The following GPX7 variants were observed in gnomAD, a reference collection of about 807,000 sequenced individuals.
GPX7 encodes the protein glutathione peroxidase 7.
GPX7 carries 21 observed loss-of-function variants against 23.7 expected under a neutral mutation model. The observed-to-expected ratio is 0.89, with a 90% confidence interval of 0.63 to 1.28. The LOEUF (loss-of-function observed/expected upper bound fraction) is 1.28, where lower values mean the gene tolerates loss of function less well. Ranked by LOEUF, GPX7 falls within the 50% of genes most tolerant of loss-of-function variation. The probability of loss-of-function intolerance (pLI) is 0.00; values close to 1 mark genes in which losing one functional copy is unlikely to be tolerated. For missense variants in GPX7, 238 were observed against 237.3 expected, an observed-to-expected ratio of 1.00 and a Z score of -0.02; for synonymous variants, 112 against 101.8, an observed-to-expected ratio of 1.10 and a Z score of -0.61.
chr1:52,606,344 T>G (rs1172668359), intron 1 of GPX7, among the ~76,000 whole-genome samples: 1 of 152,166 alleles, frequency 6.6e-6, no homozygotes, highest in Non-Finnish European at 1.5e-5. Flanking sequence ...GCTGTGTGTG[T>G]GGGCATGTGT....
intron 1 of GPX7, 29 bp downstream of exon 1, chr1:52,602,576 T>C (rs367762292): frequency 6.7e-7 from 1 of 1,486,362 alleles, no homozygotes; most frequent in Non-Finnish European, 9.0e-7. Context: ...GCGGCGCCGC[T>C]GGGCCCGGCC....
chr1:52,607,891 C>G (rs1468311259), intron 2 of GPX7, among the ~76,000 whole-genome samples: 1 of 152,094 alleles, frequency 6.6e-6, no homozygotes, highest in African/African-American at 2.4e-5. Flanking sequence ...CCCCTGACCC[C>G]CAGTGATTCT....
chr1:52,606,632 G>T, intron 1 of GPX7, 52 bp from the exon 2 acceptor site: 1 of 1,587,960 alleles, frequency 6.3e-7, no homozygotes, highest in Non-Finnish European at 8.6e-7. Context: ...ACAGGTTCAT[G>T]CCTCTTCACT....
At chr1:52,607,388 C>A in intron 2 of GPX7, 1 of 172,850 alleles carries the variant, frequency 5.8e-6, no homozygotes, top group South Asian at 1.5e-4. Context: ...GTGGCGGAGT[C>A]TGTAGGCCAT....
At position 52,608,419 on chromosome 1, in the gene GPX7, CTT is replaced by C; in HGVS notation, c.559_560del (p.Leu187IlefsTer56). 2 of 1,608,010 alleles carry C rather than the reference CTT, an allele frequency of 1.2e-6. No individual in the cohort carries two copies. The highest frequency in any genetic ancestry group is 1.7e-4 in the Middle Eastern group (1 of 6,026). On this transcript the variant is annotated frameshift_variant, in exon 3 of 3. Transcript: ENST00000361314. LOFTEE classifies it high-confidence loss of function. ...AGCTCATCCTACTGAAGCGAGAAGACTTATAACCACCGCGTCTCCTCCTCCAC... is the reference window on the plus strand; with the variant it reads ...AGCTCATCCTACTGAAGCGAGAAGACATAACCACCGCGTCTCCTCCTCCAC... ...RKLILLKREDL is the reference protein window; with the variant it reads ...RKLILLKREDX
In GPX7 at chr1:52,606,716, C is replaced by A. The variant is rs183763373; in HGVS notation, c.171C>A (p.Cys57Ter). 23 of 1,613,908 alleles carry A rather than the reference C, an allele frequency of 1.4e-5. No homozygotes were observed. The East Asian group carries it at 5.1e-4, about 36-fold the overall frequency. Residue 57 changes from cysteine (C) to a stop codon, truncating the protein, a stop_gained, in exon 2 of 3, where the codon TGC (cysteine) becomes TGA (stop). Coordinates refer to ENST00000361314, the MANE Select transcript of GPX7 (RefSeq NM_015696.5). LOFTEE classifies it high-confidence loss of function. ...VSLVVNVASE[C>*]GFTDQHYRAL... is the part of the protein sequence containing the mutation. ...TGGTGGTGAATGTGGCCAGCGAGTGCGGCTTCACAGACCAGCACTACCGAG... is the reference window on the plus strand; with the variant it reads ...TGGTGGTGAATGTGGCCAGCGAGTGAGGCTTCACAGACCAGCACTACCGAG...
At chr1:52,606,591 G>A (rs1477487859) in intron 1 of GPX7, 93 bp from the exon 2 acceptor site, 2 of 1,380,682 alleles carry the variant, frequency 1.4e-6, no homozygotes, top group East Asian at 4.6e-5. Context: ...ACTGTTGAGG[G>A]AGTCACATAT....
intron 1 of GPX7, among the ~76,000 whole-genome samples, chr1:52,606,335 C>T (rs1690851418): frequency 6.6e-6 from 1 of 152,062 alleles, no homozygotes; most frequent in South Asian, 2.1e-4. Context: ...TGTGGATGTG[C>T]TGTGTGTGTG....
chr1:52,604,413 A>G (rs368858838), intron 1 of GPX7, among the ~76,000 whole-genome samples: 1 of 152,324 alleles, frequency 6.6e-6, no homozygotes, highest in South Asian at 2.1e-4. Context: ...TCCAGCTCTG[A>G]TGACATAGTC....
At chr1:52,605,695 A>T (rs1214885106) in intron 1 of GPX7, among the ~76,000 whole-genome samples, 1 of 152,228 alleles carries the variant, frequency 6.6e-6, no homozygotes, top group Non-Finnish European at 1.5e-5. Context: ...TAGGCTGGGC[A>T]TGGTGGTTCA....
chr1:52,604,986 A>G (rs1420585519), intron 1 of GPX7, among the ~76,000 whole-genome samples: 3 of 147,394 alleles, frequency 2.0e-5, no homozygotes, highest in East Asian at 2.1e-4. Flanking sequence ...TGGAGGTTGC[A>G]GTGAGCCAAG....
At position 52,608,514 on chromosome 1, in the gene GPX7, C is replaced by A; in HGVS notation, c.*89C>A. Reference sequence around the variant, plus strand: ...TCAAATGGTGCTTCAAAGGGAGAGACCCACTGACTCTCCTTCCTTTACTCT... The same window carrying A: ...TCAAATGGTGCTTCAAAGGGAGAGAACCACTGACTCTCCTTCCTTTACTCT... On this transcript the variant is annotated 3_prime_UTR_variant, in exon 3 of 3. Transcript: ENST00000361314. The A allele has an allele frequency of 4.5e-6, 5 of 1,120,258 alleles. No homozygotes were observed. The highest frequency in any genetic ancestry group is 2.6e-5 in the East Asian group (1 of 38,264). 69.4% of individuals were successfully genotyped at this position (1,120,258 alleles called of 1,614,324 possible).
Position 52,602,498 on chromosome 1 carries a change from C to T in GPX7, c.89C>T (p.Ala30Val). ...QQEQDFYDFK[A>V]VNIRGKLVSL... is the part of the protein sequence containing the mutation. ...GAGCAGGACTTCTACGACTTCAAGGCGGTCAACATCCGGGGCAAACTGGTG... is the reference window on the plus strand; with the variant it reads ...GAGCAGGACTTCTACGACTTCAAGGTGGTCAACATCCGGGGCAAACTGGTG... The change falls in exon 1 of 3, where the codon GCG (alanine) becomes GTG (valine). Residue 30 changes from alanine to valine, a missense_variant. Transcript: ENST00000361314. 1.9e-6 allele frequency: 3 copies of T among 1,563,938 alleles called. No homozygotes were observed. Among genetic ancestry groups the T allele is most frequent in the Non-Finnish European group, 8.6e-7 (1 of 1,159,362 alleles).
chr1:52,603,147 C>T (rs1345762458), intron 1 of GPX7, among the ~76,000 whole-genome samples: 4 of 152,084 alleles, frequency 2.6e-5, no homozygotes, highest in Non-Finnish European at 4.4e-5. Context: ...TGGAAGAGAA[C>T]CCCACCGCCA....
At chr1:52,607,955 A>T (rs1007284762) in intron 2 of GPX7, among the ~76,000 whole-genome samples, 19 of 152,154 alleles carry the variant, frequency 1.2e-4, no homozygotes, top group Admixed American at 6.5e-5. Context: ...TGAACTAGAG[A>T]ATAGGGTGTA....
rs1690879757 is a variant in GPX7 at position 52,608,524 on chromosome 1, C to T, written c.*99C>T. 3 of 1,038,302 alleles carry T rather than the reference C, an allele frequency of 2.9e-6. No individual in the cohort carries two copies. In the Middle Eastern group the frequency reaches 8.8e-4, roughly 304 times the overall value. 64.3% of individuals were successfully genotyped at this position (1,038,302 alleles called of 1,614,324 possible). A position where few individuals can be genotyped will look rare whatever the true frequency, so the allele number is the denominator to read the frequency against. ...CTTCAAAGGGAGAGACCCACTGACTCTCCTTCCTTTACTCTTATGCCATTG... is the reference window on the plus strand; with the variant it reads ...CTTCAAAGGGAGAGACCCACTGACTTTCCTTCCTTTACTCTTATGCCATTG... On this transcript the variant is annotated 3_prime_UTR_variant, in exon 3 of 3. Transcript: ENST00000361314.
At chr1:52,605,724 T>G (rs965081183) in intron 1 of GPX7, among the ~76,000 whole-genome samples, 1 of 152,196 alleles carries the variant, frequency 6.6e-6, no homozygotes, top group Admixed American at 6.5e-5. Context: ...ATCCTAGCAC[T>G]TTGAGAGGCT....
At chr1:52,603,261 C>T (rs1690821422) in intron 1 of GPX7, among the ~76,000 whole-genome samples, 1 of 150,274 alleles carries the variant, frequency 6.7e-6, no homozygotes, top group South Asian at 2.1e-4. Context: ...GGAATCTAAG[C>T]TCAGAGAAGA....
intron 1 of GPX7, among the ~76,000 whole-genome samples, chr1:52,605,055 A>G (rs1289667563): frequency 6.6e-6 from 1 of 151,620 alleles, no homozygotes; most frequent in African/African-American, 2.4e-5. Context: ...TAAAAAAAAA[A>G]AAAAAAAAAA....
Sources: allele counts gnomAD v4.1 joint callset (sites outside exome capture counted in the v4.1 genomes callset), GRCh38; gene constraint gnomAD v4.1.1; transcripts MANE v1.5; gene names NCBI Gene and HGNC (gene_info 2026-07-23, HGNC 2026-07-21).